Variants in RBMS1 observed in about 807,000 individuals in gnomAD.
The protein encoded by RBMS1 is RNA-binding motif, single-stranded-interacting protein 1.
In RBMS1, 17 loss-of-function variants were observed where a neutral mutation model predicts 62.3. The observed-to-expected ratio is 0.27, with a 90% CI of 0.19 to 0.41. The LOEUF is 0.41. Among genes scored for constraint, RBMS1 ranks in the 10% least tolerant of loss-of-function variants. The pLI, the probability that RBMS1 is intolerant of heterozygous loss-of-function variation, is 1.00. For synonymous variants in RBMS1, 172 were observed against 170.0 expected (o/e 1.01, Z -0.09); for missense variants, 334 against 504.5 (o/e 0.66, Z 3.24).
chr2:160,353,774 A>G (rs1167774686), intron 2 of RBMS1, among the ~76,000 whole-genome samples: 1 of 152,090 alleles, frequency 6.6e-6, no homozygotes, highest in Non-Finnish European at 1.5e-5. Flanking sequence ...TTTTTCAGTT[A>G]TAACATAAAA....
At chr2:160,287,114 C>A (rs566584706) in intron 6 of RBMS1, 30 bp from the exon 7 acceptor site, 1 of 1,611,392 alleles carries the variant, frequency 6.2e-7, no homozygotes, top group Admixed American at 1.7e-5. Flanking sequence ...TAAAATGAAA[C>A]CACAATGATA....
intron 2 of RBMS1, among the ~76,000 whole-genome samples, chr2:160,351,576 T>C (rs1692510849): frequency 6.6e-6 from 1 of 152,106 alleles, no homozygotes; most frequent in Admixed American, 6.6e-5. Context: ...AATCACATTT[T>C]AAAAAACTTT....
chr2:160,384,001 T>C (rs1363923069), intron 1 of RBMS1, among the ~76,000 whole-genome samples: 2 of 152,092 alleles, frequency 1.3e-5, no homozygotes, highest in African/African-American at 2.4e-5. Flanking sequence ...ATCGAGACCA[T>C]CCTGGCTAAC....
At chr2:160,362,570 T>C (rs1344969267) in intron 2 of RBMS1, among the ~76,000 whole-genome samples, 4 of 152,132 alleles carry the variant, frequency 2.6e-5, no homozygotes, top group African/African-American at 9.7e-5. Context: ...TTAAGTCCTA[T>C]ATGGGAATGG....
chr2:160,342,810 C>T (rs538089092), intron 2 of RBMS1, among the ~76,000 whole-genome samples: 24 of 150,350 alleles, frequency 1.6e-4, no homozygotes, highest in African/African-American at 2.7e-4. Context: ...CGGTGGCAGG[C>T]GCTTGTAATC....
At chr2:160,315,117 G>C (rs1393277364) in intron 3 of RBMS1, among the ~76,000 whole-genome samples, 1 of 152,146 alleles carries the variant, frequency 6.6e-6, no homozygotes, top group African/African-American at 2.4e-5. Flanking sequence ...GGTAATATTT[G>C]CATTCTGTTA....
chr2:160,342,553 T>C (rs1691928524), intron 2 of RBMS1, among the ~76,000 whole-genome samples: 1 of 152,006 alleles, frequency 6.6e-6, no homozygotes, highest in South Asian at 2.1e-4. Flanking sequence ...TATATATATG[T>C]GTGAAAAATG....
intron 4 of RBMS1, among the ~76,000 whole-genome samples, chr2:160,304,545 TG>T (rs1403757911): frequency 6.6e-6 from 1 of 152,172 alleles, no homozygotes; most frequent in Non-Finnish European, 1.5e-5. Flanking sequence ...GCATATACGA[TG>T]GTGGTCCTGT....
intron 1 of RBMS1, among the ~76,000 whole-genome samples, chr2:160,488,449 G>A (rs558986967): frequency 5.9e-5 from 9 of 152,092 alleles, no homozygotes; most frequent in South Asian, 2.1e-4. Context: ...TGTGGCACGC[G>A]CCTGTAGTCC....
intron 2 of RBMS1, among the ~76,000 whole-genome samples, chr2:160,339,473 T>C (rs1001736596): frequency 2.0e-5 from 3 of 152,186 alleles, no homozygotes; most frequent in African/African-American, 7.2e-5. Flanking sequence ...GCCATGGTGA[T>C]GCTCTAAATC....
At chr2:160,421,309 CACG>C (rs1696416104) in intron 1 of RBMS1, among the ~76,000 whole-genome samples, 1 of 151,984 alleles carries the variant, frequency 6.6e-6, no homozygotes, top group Admixed American at 6.6e-5. Context: ...TCCCCCACCC[CACG>C]ACAGGCCCCG....
At chr2:160,326,810 T>C (rs1407043449) in intron 2 of RBMS1, among the ~76,000 whole-genome samples, 1 of 152,162 alleles carries the variant, frequency 6.6e-6, no homozygotes. Flanking sequence ...AGACAAAGGA[T>C]TTCTTTGAAG....
intron 2 of RBMS1, among the ~76,000 whole-genome samples, chr2:160,347,087 T>C (rs557795406): frequency 6.6e-6 from 1 of 152,214 alleles, no homozygotes; most frequent in African/African-American, 2.4e-5. Flanking sequence ...AAGAAATGAA[T>C]ATCAGAAAAA....
chr2:160,421,069 G>C (rs779342828), intron 1 of RBMS1, among the ~76,000 whole-genome samples: 1 of 152,014 alleles, frequency 6.6e-6, no homozygotes, highest in Non-Finnish European at 1.5e-5. Flanking sequence ...CACACCAAGA[G>C]GCACCGTCTC....
intron 2 of RBMS1, among the ~76,000 whole-genome samples, chr2:160,334,241 T>C (rs555827098): frequency 6.6e-6 from 1 of 152,310 alleles, no homozygotes; most frequent in Admixed American, 6.5e-5. Context: ...CAAAATATTT[T>C]TGAGTAACCA....
intron 2 of RBMS1, among the ~76,000 whole-genome samples, chr2:160,326,352 T>C (rs187554680): frequency 6.6e-6 from 1 of 152,144 alleles, no homozygotes; most frequent in African/African-American, 2.4e-5. Flanking sequence ...TACTAAAAAA[T>C]AACTAAAAAT....
chr2:160,348,598 G>A (rs891387490), intron 2 of RBMS1, among the ~76,000 whole-genome samples: 1 of 152,098 alleles, frequency 6.6e-6, no homozygotes, highest in African/African-American at 2.4e-5. Flanking sequence ...TGAAGAGCTT[G>A]TCTAATGACT....
chr2:160,285,245 G>A (rs1390869455), intron 7 of RBMS1, among the ~76,000 whole-genome samples: 1 of 151,766 alleles, frequency 6.6e-6, no homozygotes, highest in African/African-American at 2.4e-5. Context: ...GGCAACAGAA[G>A]GAGACCCCTG....
At chr2:160,427,811 G>C (rs749173971) in intron 1 of RBMS1, among the ~76,000 whole-genome samples, 2 of 152,116 alleles carry the variant, frequency 1.3e-5, no homozygotes, top group Non-Finnish European at 2.9e-5. Flanking sequence ...AGGCAAGTTC[G>C]AATGTTAAGT....
Sources: gnomAD v4.1 joint callset for allele counts (sites outside exome capture counted in the v4.1 genomes callset) on GRCh38, gnomAD v4.1.1 for gene constraint, MANE v1.5 for transcripts, NCBI Gene and HGNC (gene_info 2026-07-23, HGNC 2026-07-21) for gene names.